The following DBNDD1 variants were observed in gnomAD, a reference collection of about 807,000 sequenced individuals.
The protein encoded by DBNDD1 is dysbindin domain-containing protein 1.
In DBNDD1, 14 loss-of-function variants were observed where a neutral mutation model predicts 17.0. The ratio of observed to expected loss-of-function variants is 0.82; its 90% CI spans 0.54 to 1.29. The LOEUF (loss-of-function observed/expected upper bound fraction) is 1.29, where lower values mean the gene tolerates loss of function less well. DBNDD1 is among the 50% of genes most tolerant of loss of function. DBNDD1 has a pLI of 0.00. For missense variants in DBNDD1, 221 were observed against 216.2 expected (o/e 1.02, Z -0.14); for synonymous variants, 105 against 102.0 (o/e 1.03, Z -0.18).
chr16:90,009,534 C>T, intron 1 of DBNDD1, 104 bp from the exon 2 acceptor site: 2 of 1,530,336 alleles, frequency 1.3e-6, no homozygotes, highest in Admixed American at 1.8e-5. Context: ...TCCTTTGAAA[C>T]TCTGGGCAGT....
chr16:90,006,829 A>G (rs2035437159), intron 3 of DBNDD1: 1 of 258,034 alleles, frequency 3.9e-6, no homozygotes, highest in Non-Finnish European at 7.8e-6. Flanking sequence ...GTCCCACCTC[A>G]GCCAACCACC....
At chr16:90,006,902 C>T (rs983554651) in intron 3 of DBNDD1, 1 of 174,446 alleles carries the variant, frequency 5.7e-6, no homozygotes, top group African/African-American at 2.4e-5. Context: ...GTGTCCCCGG[C>T]CTCTTGGAGC....
Position 90,004,987 on chromosome 16 carries a change from A to T in DBNDD1, c.*1348T>A, listed in dbSNP as rs1293529477. On this transcript the variant is annotated 3_prime_UTR_variant, in exon 4 of 4. Transcript: ENST00000002501. ...CTGGCGGGTGGAAGTGTGGCCAGGGACACAAGGCTGCCCTTATGGGACTGA... is the reference window on the plus strand; with the variant it reads ...CTGGCGGGTGGAAGTGTGGCCAGGGTCACAAGGCTGCCCTTATGGGACTGA... The T allele has an allele frequency of 6.5e-6, 1 of 152,752 alleles. No individual in the cohort carries two copies. The highest frequency in any genetic ancestry group is 1.9e-4 in the East Asian group (1 of 5,196). The allele number at this position is 152,752 out of a possible 1,614,324, so 9.5% of individuals were successfully genotyped here. A position where few individuals can be genotyped will look rare whatever the true frequency, so the allele number is the denominator to read the frequency against.
chr16:90,014,096 G>A (rs1474472316), intron 1 of DBNDD1, among the ~76,000 whole-genome samples: 1 of 151,972 alleles, frequency 6.6e-6, no homozygotes, highest in Non-Finnish European at 1.5e-5. Flanking sequence ...AATGGAGTGG[G>A]ACAGCATCTA....
intron 1 of DBNDD1, among the ~76,000 whole-genome samples, chr16:90,013,650 T>C (rs1179288638): frequency 1.3e-5 from 2 of 152,068 alleles, no homozygotes; most frequent in African/African-American, 4.8e-5. Context: ...GGGACAGAGG[T>C]GGCGTCTCCC....
intron 1 of DBNDD1, among the ~76,000 whole-genome samples, chr16:90,017,450 G>A (rs539426574): frequency 4.6e-5 from 7 of 151,986 alleles, no homozygotes; most frequent in East Asian, 3.9e-4. Flanking sequence ...AGCCGAGATC[G>A]CGCCACTGCA....
chr16:90,006,228 C>T lies in DBNDD1; in HGVS notation c.*107G>A. 1 of 1,425,910 alleles carries T rather than the reference C, an allele frequency of 7.0e-7. No homozygotes were observed. The highest frequency in any genetic ancestry group is 2.2e-5 in the Admixed American group (1 of 44,942). 88.3% of individuals were successfully genotyped at this position (1,425,910 alleles called of 1,614,324 possible). A position where few individuals can be genotyped will look rare whatever the true frequency, so the allele number is the denominator to read the frequency against. On this transcript the variant is annotated 3_prime_UTR_variant, in exon 4 of 4. Coordinates refer to ENST00000002501, the MANE Select transcript of DBNDD1 (RefSeq NM_001042610.3). ...CAGGGTGTGTGTCAGGAGGTGACGGCTGGAGCCTCGTGGGCGGGTGAAGTG... is the reference window on the plus strand; with the variant it reads ...CAGGGTGTGTGTCAGGAGGTGACGGTTGGAGCCTCGTGGGCGGGTGAAGTG...
At chr16:90,016,539 C>A (rs2035645625) in intron 1 of DBNDD1, among the ~76,000 whole-genome samples, 1 of 152,152 alleles carries the variant, frequency 6.6e-6, no homozygotes, top group African/African-American at 2.4e-5. Flanking sequence ...CTTACCCCAG[C>A]ACAGCCCCTA....
At position 90,005,316 on chromosome 16, in the gene DBNDD1, CAAG is replaced by C. The variant is rs1206009915; in HGVS notation, c.*1016_*1018del. On this transcript the variant is annotated 3_prime_UTR_variant, in exon 4 of 4. Transcript: ENST00000002501. Reference sequence around the variant, plus strand: ...ACTCATTCTTTGACTTGCTGTCAGGCAAGAAGCCCATTCTGTGAGCTTCAGCAT... The same window carrying C: ...ACTCATTCTTTGACTTGCTGTCAGGCAAGCCCATTCTGTGAGCTTCAGCAT... 2.6e-5 allele frequency: 4 copies of C among 152,294 alleles called. No individual in the cohort carries two copies. The allele number at this position is 152,294 out of a possible 1,614,324, so 9.4% of individuals were successfully genotyped here.
chr16:90,009,378 C>T lies in DBNDD1; in HGVS notation c.84G>A (p.Gln28=). ...VPQAALGVPA[Q]GTGDNGHTPV... The stretch of plus-strand genomic sequence containing the variant: ...GCGTGTGGCCATTGTCCCCTGTCCC[C>T]TGGGCTGGGACGCCCAGCGCAGCCT... The change falls in exon 2 of 4, where the codon CAG becomes CAA. Residue 28 remains glutamine, a synonymous_variant. Transcript: ENST00000002501. The T allele has an allele frequency of 6.2e-7, 1 of 1,613,348 alleles. No individual in the cohort carries two copies. Among genetic ancestry groups the T allele is most frequent in the Admixed American group, 1.7e-5 (1 of 60,026 alleles).
rs2035418945 is a variant in DBNDD1 at position 90,006,162 on chromosome 16, A to C, written c.*173T>G. The C allele has an allele frequency of 1.0e-6, 1 of 984,920 alleles. No individual in the cohort carries two copies. The highest frequency in any genetic ancestry group is 1.4e-6 in the Non-Finnish European group (1 of 690,970). 61.0% of individuals were successfully genotyped at this position (984,920 alleles called of 1,614,324 possible). On this transcript the variant is annotated 3_prime_UTR_variant, in exon 4 of 4. Coordinates refer to ENST00000002501, the MANE Select transcript of DBNDD1 (RefSeq NM_001042610.3). ...CCAAGTGAGGCGAAGACCCGTGCCC[A>C]GCAGACAAGGCCGGTCTCGGGGCTG...
At position 90,006,148 on chromosome 16, in the gene DBNDD1, G is replaced by A. The variant is rs926225999; in HGVS notation, c.*187C>T. Reference sequence around the variant, plus strand: ...AAGCCGGCTGGTCTCCAAGTGAGGCGAAGACCCGTGCCCAGCAGACAAGGC... The same window carrying A: ...AAGCCGGCTGGTCTCCAAGTGAGGCAAAGACCCGTGCCCAGCAGACAAGGC... On this transcript the variant is annotated 3_prime_UTR_variant, in exon 4 of 4. Transcript: ENST00000002501. The A allele has an allele frequency of 1.1e-5, 10 of 875,086 alleles. No homozygotes were observed. Among genetic ancestry groups the A allele is most frequent in the Admixed American group, 2.9e-5 (1 of 33,960 alleles). 54.2% of individuals were successfully genotyped at this position (875,086 alleles called of 1,614,324 possible). A position where few individuals can be genotyped will look rare whatever the true frequency, so the allele number is the denominator to read the frequency against.
upstream of DBNDD1, chr16:90,019,697 G>A: frequency 1.8e-6 from 1 of 566,804 alleles, no homozygotes. This position sits in a 1 kb window ranked among gnomAD's most constrained non-coding sequence, Gnocchi z 6.1. Context: ...TCCCGACCCC[G>A]GCCGGGCGTC....
At chr16:90,011,764 G>GC (rs1357108912) in intron 1 of DBNDD1, 1 of 430,694 alleles carries the variant, frequency 2.3e-6, no homozygotes, top group Non-Finnish European at 4.7e-6. Context: ...CCCAAGCCCA[G>GC]CAGGGATACC....
chr16:90,018,827 C>A (rs2035701408), intron 1 of DBNDD1, among the ~76,000 whole-genome samples: 1 of 152,226 alleles, frequency 6.6e-6, no homozygotes, highest in South Asian at 2.1e-4. Context: ...CAAGACCCAT[C>A]TCAGCCCCTC....
At chr16:90,019,705 G>T (rs1474855190), upstream of DBNDD1, 1 of 583,096 alleles carries the variant, frequency 1.7e-6, no homozygotes, top group Admixed American at 3.5e-5. This position sits in a 1 kb window ranked among gnomAD's most constrained non-coding sequence, Gnocchi z 6.1. Context: ...CCGGCCGGGC[G>T]TCCGGGGCTC....
rs2035418840 is a variant in DBNDD1 at position 90,006,158 on chromosome 16, G to T, written c.*177C>A. On this transcript the variant is annotated 3_prime_UTR_variant, in exon 4 of 4. Transcript: ENST00000002501. ...GTCTCCAAGTGAGGCGAAGACCCGT[G>T]CCCAGCAGACAAGGCCGGTCTCGGG... is the stretch of plus-strand genomic sequence containing the variant. The T allele has an allele frequency of 5.2e-6, 5 of 955,428 alleles. No individual in the cohort carries two copies. Among genetic ancestry groups the T allele is most frequent in the Non-Finnish European group, 7.5e-6 (5 of 665,014 alleles). 59.2% of individuals were successfully genotyped at this position (955,428 alleles called of 1,614,324 possible). A position where few individuals can be genotyped will look rare whatever the true frequency, so the allele number is the denominator to read the frequency against.
At chr16:90,007,366 G>C (rs2035446213) in intron 3 of DBNDD1, 1 of 152,492 alleles carries the variant, frequency 6.6e-6, no homozygotes. Context: ...GGGCCAAACT[G>C]TCCCATGCGG....
intron 1 of DBNDD1, among the ~76,000 whole-genome samples, chr16:90,014,041 G>C (rs1274884527): frequency 6.6e-6 from 1 of 152,098 alleles, no homozygotes; most frequent in East Asian, 1.9e-4. Flanking sequence ...TCAGGACTTT[G>C]GTTTCTATAC....
Sources: allele counts gnomAD v4.1 joint callset (sites outside exome capture counted in the v4.1 genomes callset), GRCh38; gene constraint gnomAD v4.1.1; non-coding constraint Gnocchi (gnomAD v3.1); transcripts MANE v1.5; gene names NCBI Gene and HGNC (gene_info 2026-07-23, HGNC 2026-07-21).